The following RALYL variants were observed in gnomAD, a reference collection of about 807,000 sequenced individuals.
The protein encoded by RALYL is RNA-binding Raly-like protein.
A neutral mutation model predicts 35.1 loss-of-function variants in RALYL; 29 were observed. That is an observed-to-expected ratio of 0.83 (90% CI 0.61 to 1.13). The LOEUF is 1.13. Among genes scored for constraint, RALYL ranks in the 50% most tolerant of loss-of-function variants. The pLI is 0.00. For synonymous variants in RALYL, 120 were observed against 127.6 expected, an observed-to-expected ratio of 0.94 and a Z score of 0.40; for missense variants, 359 against 360.4, an observed-to-expected ratio of 1.00 and a Z score of 0.03.
chr8:84,537,159 TAA>T (rs11284312), intron 2 of RALYL, among the ~76,000 whole-genome samples: 50,871 of 138,990 alleles, frequency 0.37, 9,280 homozygotes, highest in South Asian at 0.51. Context: ...ATATATATAT[TAA>T]AAAAAAAAAA....
At chr8:84,565,104 A>T (rs147732427) in intron 2 of RALYL, among the ~76,000 whole-genome samples, 212 of 151,652 alleles carry the variant, frequency 1.4e-3, no homozygotes, top group African/African-American at 5.0e-3. Context: ...TGTTTTATCC[A>T]CCTTCTGGTG....
intron 2 of RALYL, among the ~76,000 whole-genome samples, chr8:84,575,925 G>C (rs1045542923): frequency 2.7e-5 from 4 of 146,508 alleles, no homozygotes; most frequent in South Asian, 4.3e-4. Flanking sequence ...CCAGGAGTTA[G>C]AGACCAGGCC....
At chr8:84,785,029 G>A (rs532847362) in intron 3 of RALYL, among the ~76,000 whole-genome samples, 1 of 152,216 alleles carries the variant, frequency 6.6e-6, no homozygotes, top group East Asian at 1.9e-4. Flanking sequence ...ATTGTATGAA[G>A]GAATCAAAAG....
At chr8:84,228,126 T>A (rs1824393165) in intron 1 of RALYL, among the ~76,000 whole-genome samples, 1 of 147,540 alleles carries the variant, frequency 6.8e-6, no homozygotes, top group Non-Finnish European at 1.5e-5. Flanking sequence ...AAAGTGCTAG[T>A]TAAACGAAGA....
intron 7 of RALYL, among the ~76,000 whole-genome samples, chr8:84,881,020 A>C (rs75808677): frequency 0.05 from 7,547 of 152,048 alleles, 603 homozygotes; most frequent in African/African-American, 0.17. Flanking sequence ...TATTAGATTT[A>C]AATAAACACA....
chr8:84,583,027 A>C (rs945005257), intron 2 of RALYL, among the ~76,000 whole-genome samples: 5 of 152,144 alleles, frequency 3.3e-5, no homozygotes, highest in African/African-American at 1.2e-4. Flanking sequence ...ATACACTAAG[A>C]TAGAGCTGCC....
intron 2 of RALYL, among the ~76,000 whole-genome samples, chr8:84,635,185 A>G (rs1284741936): frequency 5.3e-5 from 8 of 151,754 alleles, no homozygotes; most frequent in Admixed American, 5.3e-4. Flanking sequence ...TCACATTTCT[A>G]TGAGAAGGTG....
intron 1 of RALYL, among the ~76,000 whole-genome samples, chr8:84,338,801 C>A (rs1239780761): frequency 1.3e-5 from 2 of 151,984 alleles, no homozygotes; most frequent in Non-Finnish European, 2.9e-5. Flanking sequence ...TTTAGAATAC[C>A]ACTAATAGAC....
At chr8:84,500,589 T>C (rs2056546778) in intron 1 of RALYL, among the ~76,000 whole-genome samples, 1 of 152,206 alleles carries the variant, frequency 6.6e-6, no homozygotes. Context: ...AATTTGGAAG[T>C]TAATATGAAT....
chr8:84,363,262 T>C (rs1230943676), intron 1 of RALYL, among the ~76,000 whole-genome samples: 1 of 152,188 alleles, frequency 6.6e-6, no homozygotes, highest in Non-Finnish European at 1.5e-5. Flanking sequence ...GCAGTGATGT[T>C]GGCCACCTGC....
chr8:84,404,121 C>G (rs1315532002), intron 1 of RALYL, among the ~76,000 whole-genome samples: 1 of 151,966 alleles, frequency 6.6e-6, no homozygotes, highest in African/African-American at 2.4e-5. Context: ...CATCTCCAAA[C>G]AGATAATTTG....
chr8:84,441,466 A>G (rs758933194), intron 1 of RALYL, among the ~76,000 whole-genome samples: 23 of 152,154 alleles, frequency 1.5e-4, no homozygotes, highest in African/African-American at 2.4e-4. Context: ...TGTGATGTTC[A>G]TAACAATAAA....
chr8:84,326,254 T>C (rs527979652), intron 1 of RALYL, among the ~76,000 whole-genome samples: 249 of 152,352 alleles, frequency 1.6e-3, no homozygotes, highest in African/African-American at 5.7e-3. Flanking sequence ...AAAAATTTAA[T>C]GAACATTCCA....
intron 1 of RALYL, among the ~76,000 whole-genome samples, chr8:84,201,613 T>C (rs772513508): frequency 6.6e-6 from 1 of 151,806 alleles, no homozygotes; most frequent in African/African-American, 2.4e-5. Context: ...CAGTCTGGAG[T>C]GCAGTGTGGC....
intron 2 of RALYL, among the ~76,000 whole-genome samples, chr8:84,596,780 C>T (rs1814644099): frequency 6.6e-6 from 1 of 152,092 alleles, no homozygotes; most frequent in African/African-American, 2.4e-5. Flanking sequence ...TAGCAAATTC[C>T]TGGGTTTACA....
intron 1 of RALYL, among the ~76,000 whole-genome samples, chr8:84,312,223 C>T (rs544580179): frequency 6.6e-6 from 1 of 152,258 alleles, no homozygotes; most frequent in Non-Finnish European, 1.5e-5. Flanking sequence ...GGAGACTGCC[C>T]CCATAATCCA....
intron 1 of RALYL, among the ~76,000 whole-genome samples, chr8:84,340,726 AG>A (rs991902572): frequency 5.9e-5 from 9 of 152,082 alleles, no homozygotes; most frequent in African/African-American, 2.2e-4. Flanking sequence ...ATCAGTGGGT[AG>A]TTAAGGTGTT....
At chr8:84,623,552 G>A (rs1822048594) in intron 2 of RALYL, among the ~76,000 whole-genome samples, 1 of 152,116 alleles carries the variant, frequency 6.6e-6, no homozygotes. Flanking sequence ...CTGACCTTGA[G>A]AATAATTATT....
intron 2 of RALYL, among the ~76,000 whole-genome samples, chr8:84,728,434 C>T (rs1206595350): frequency 1.3e-5 from 2 of 151,346 alleles, no homozygotes; most frequent in African/African-American, 4.8e-5. Context: ...TGCCTGTTCA[C>T]TCTGATGGTA....
Sources: allele counts gnomAD v4.1 joint callset (sites outside exome capture counted in the v4.1 genomes callset), GRCh38; gene constraint gnomAD v4.1.1; transcripts MANE v1.5; gene names NCBI Gene and HGNC (gene_info 2026-07-23, HGNC 2026-07-21).